Variants in SYT6 observed in about 807,000 individuals in gnomAD.
SYT6 encodes synaptotagmin 6, also known as synaptotagmin-6.
SYT6 carries 24 observed loss-of-function variants against 38.4 expected under a neutral mutation model. The observed-to-expected ratio is 0.62, with a 90% CI of 0.45 to 0.88. The LOEUF is 0.88. SYT6 is among the 40% of genes least tolerant of loss of function. The pLI is 0.00. For synonymous variants in SYT6, 265 were observed against 241.9 expected (o/e 1.10, Z -0.89); for missense variants, 611 against 621.0 (o/e 0.98, Z 0.17).
intron 2 of SYT6, 54 bp from the exon 3 acceptor site, chr1:114,138,107 G>C: frequency 6.5e-7 from 1 of 1,531,546 alleles, no homozygotes; most frequent in Non-Finnish European, 8.8e-7. Context: ...CAGGGGAAGG[G>C]GGATGAAGGC....
intron 3 of SYT6, among the ~76,000 whole-genome samples, chr1:114,119,386 C>T (rs1005542134): frequency 5.3e-5 from 8 of 152,204 alleles, no homozygotes; most frequent in Non-Finnish European, 1.0e-4. Context: ...CCAGGAACTA[C>T]CTACCTCTAA....
chr1:114,096,920 T>G (rs1282951573), intron 6 of SYT6, among the ~76,000 whole-genome samples: 1 of 152,164 alleles, frequency 6.6e-6, no homozygotes. Context: ...TCACCCACAC[T>G]TCCAATCCAT....
chr1:114,099,161 T>C lies in SYT6; in HGVS notation c.1297A>G (p.Ile433Val). The C allele has an allele frequency of 6.2e-7, 1 of 1,614,200 alleles. No homozygotes were observed. Among genetic ancestry groups the C allele is most frequent in the Non-Finnish European group, 8.5e-7 (1 of 1,180,014 alleles). The change falls in exon 5 of 8, where the codon ATC (isoleucine) becomes GTC (valine). Residue 433 changes from isoleucine (I) to valine (V), a missense_variant. Transcript: ENST00000610222. ...ATGTTTTCCGGGGGAATGTCAAAGATGATGGCCTCATTGTAGACAGGATTG... is the reference window on the plus strand; with the variant it reads ...ATGTTTTCCGGGGGAATGTCAAAGACGATGGCCTCATTGTAGACAGGATTG... Reference protein sequence around the residue: ...TLNPVYNEAIIFDIPPENMDQ... With the variant: ...TLNPVYNEAIVFDIPPENMDQ...
At chr1:114,097,947 G>T in intron 5 of SYT6, 70 bp from the exon 6 acceptor site, 3 of 1,574,780 alleles carry the variant, frequency 1.9e-6, no homozygotes, top group Non-Finnish European at 2.6e-6. Context: ...CCAGTGTGGG[G>T]GGTGGTAGGA....
chr1:114,104,409 C>T (rs1230567023), intron 3 of SYT6, among the ~76,000 whole-genome samples: 1 of 152,224 alleles, frequency 6.6e-6, no homozygotes, highest in Non-Finnish European at 1.5e-5. Flanking sequence ...CCAGAATTGT[C>T]ATGGCCAGGG....
At chr1:114,120,266 A>C (rs2101036875) in intron 3 of SYT6, among the ~76,000 whole-genome samples, 1 of 152,274 alleles carries the variant, frequency 6.6e-6, no homozygotes, top group South Asian at 2.1e-4. Context: ...CCCTCGGTAG[A>C]AAATTTCCTC....
chr1:114,148,603 A>AAG (rs1387028790), intron 1 of SYT6, among the ~76,000 whole-genome samples: 7 of 152,238 alleles, frequency 4.6e-5, no homozygotes, highest in African/African-American at 1.7e-4. Flanking sequence ...AGCTTGGAAG[A>AAG]AGAGCGTTTA....
At chr1:114,098,298 G>A (rs12566797) in intron 5 of SYT6, among the ~76,000 whole-genome samples, 7,285 of 152,284 alleles carry the variant, frequency 0.048, 682 homozygotes, top group East Asian at 0.39. Context: ...CACTCGGTAA[G>A]AACATCAATT....
At position 114,093,821 on chromosome 1, in the gene SYT6, A is replaced by G. The variant is rs1482273374; in HGVS notation, c.1516-18T>C. ...GGGTTTCCCTGGTGAAATATTTTAGATAAATAAATGCCTGGTTGTTGAGGC... is the reference window on the plus strand; with the variant it reads ...GGGTTTCCCTGGTGAAATATTTTAGGTAAATAAATGCCTGGTTGTTGAGGC... On this transcript the variant is annotated intron_variant, in intron 6 of 7. Transcript: ENST00000610222. 5 of 1,613,554 alleles carry G rather than the reference A, an allele frequency of 3.1e-6. No individual in the cohort carries two copies. The South Asian group carries it at 4.4e-5, about 14-fold the overall frequency.
At position 114,105,669 on chromosome 1, in the gene SYT6, G is replaced by C. The variant is rs115942542; in HGVS notation, c.1072-1948C>G. 6.2e-3 allele frequency among the ~76,000 whole-genome samples: 940 copies of C among 152,268 alleles called. 12 individuals are homozygous for C. The highest frequency in any genetic ancestry group is 0.022 in the African/African-American group (911 of 41,548). On this transcript the variant is annotated intron_variant, in intron 3 of 7. Transcript: ENST00000610222. The stretch of plus-strand genomic sequence containing the variant: ...CAGCTGTGAGGCTCTCAGCAACTCT[G>C]CGAGGCAGGCTTGTTGGCATTTTCC...
intron 2 of SYT6, among the ~76,000 whole-genome samples, chr1:114,139,127 G>T (rs527731158): frequency 2.6e-4 from 39 of 152,162 alleles, no homozygotes; most frequent in Non-Finnish European, 5.0e-4. Flanking sequence ...ATTTACAGTT[G>T]TTGTCATGCA....
At position 114,099,232 on chromosome 1, in the gene SYT6, C is replaced by T; in HGVS notation, c.1226G>A (p.Gly409Glu). 2 of 1,613,748 alleles carry T rather than the reference C, an allele frequency of 1.2e-6. No individual in the cohort carries two copies. Among genetic ancestry groups the T allele is most frequent in the South Asian group, 1.1e-5 (1 of 91,022 alleles). ...PYVKVSLLCD[G>E]RRLKKKKTTI... ...TGTTTTCTTCTTCTTCAGCCTCCGC[C>T]CATCACAGAGCAAGGACACTTTCAC... Residue 409 changes from glycine (G) to glutamate (E), a missense_variant, in exon 5 of 8, where the codon GGG becomes GAG. By Grantham distance (98) the Gly-to-Glu change is moderately conservative (BLOSUM62 -2). Transcript: ENST00000610222.
intron 3 of SYT6, among the ~76,000 whole-genome samples, chr1:114,104,815 T>C (rs542667069): frequency 6.6e-6 from 1 of 152,202 alleles, no homozygotes; most frequent in East Asian, 1.9e-4. Context: ...AAAAAATAAA[T>C]TTCAACTTAA....
At chr1:114,107,051 C>T (rs955485687) in intron 3 of SYT6, among the ~76,000 whole-genome samples, 2 of 152,234 alleles carry the variant, frequency 1.3e-5, no homozygotes, top group African/African-American at 4.8e-5. Flanking sequence ...ACTCTGGAAG[C>T]TCCTGTGGCC....
At chr1:114,147,652 C>T (rs1679225636) in intron 1 of SYT6, among the ~76,000 whole-genome samples, 1 of 152,196 alleles carries the variant, frequency 6.6e-6, no homozygotes, top group African/African-American at 2.4e-5. Context: ...GGCGGCAGTG[C>T]CAGAATGACC....
At chr1:114,149,849 G>T (rs1453409128) in intron 1 of SYT6, among the ~76,000 whole-genome samples, 2 of 152,010 alleles carry the variant, frequency 1.3e-5, no homozygotes, top group East Asian at 3.9e-4. Flanking sequence ...AGAGTTCAGT[G>T]CTCCTAGAAG....
Position 114,091,848 on chromosome 1 carries a change from G to T in SYT6, c.*286C>A. The T allele has an allele frequency of 1.6e-6, 1 of 613,696 alleles. No homozygotes were observed. Among genetic ancestry groups the T allele is most frequent in the Non-Finnish European group, 2.8e-6 (1 of 360,420 alleles). 38.0% of individuals were successfully genotyped at this position (613,696 alleles called of 1,614,324 possible). ...AAGACTAAGACAGATCTGACCACAT[G>T]ACAAGTGTCTCAGCTTTGACCTACA... On this transcript the variant is annotated 3_prime_UTR_variant, in exon 8 of 8. Coordinates refer to ENST00000610222, the MANE Select transcript of SYT6 (RefSeq NM_001253772.2).
At chr1:114,135,055 G>T (rs1211257694) in intron 3 of SYT6, among the ~76,000 whole-genome samples, 1 of 152,068 alleles carries the variant, frequency 6.6e-6, no homozygotes, top group Non-Finnish European at 1.5e-5. Context: ...TCTACCTGCT[G>T]GTGGGGCTGT....
chr1:114,108,303 C>T (rs953868138), intron 3 of SYT6, among the ~76,000 whole-genome samples: 4 of 152,308 alleles, frequency 2.6e-5, no homozygotes, highest in East Asian at 1.9e-4. Flanking sequence ...TTCCCAGAGG[C>T]CCATCTGCAA....
Sources: allele counts gnomAD v4.1 joint callset (sites outside exome capture counted in the v4.1 genomes callset), GRCh38; gene constraint gnomAD v4.1.1; transcripts MANE v1.5; gene names NCBI Gene and HGNC (gene_info 2026-07-23, HGNC 2026-07-21).